The following C1orf87 variants were observed in gnomAD, a reference collection of about 807,000 sequenced individuals.
The protein encoded by C1orf87 is uncharacterized protein C1orf87.
A neutral mutation model predicts 60.5 loss-of-function variants in C1orf87; 58 were observed. The observed-to-expected ratio is 0.96, with a 90% CI of 0.78 to 1.19. The LOEUF (loss-of-function observed/expected upper bound fraction) is 1.19, where lower values mean the gene tolerates loss of function less well. Ranked by LOEUF, C1orf87 falls within the 50% of genes most tolerant of loss-of-function variation. C1orf87 has a pLI of 0.00. For missense variants in C1orf87, 673 were observed against 638.6 expected (o/e 1.05, Z -0.58); for synonymous variants, 236 against 227.4 (o/e 1.04, Z -0.34).
At chr1:60,020,283 C>T (rs77285526) in intron 8 of C1orf87, among the ~76,000 whole-genome samples, 7,537 of 151,752 alleles carry the variant, frequency 0.05, 276 homozygotes, top group Middle Eastern at 0.16. Context: ...GTACAGAGGC[C>T]GCACTAGGGC....
chr1:60,041,340 CAT>C (rs1243214743), intron 3 of C1orf87, among the ~76,000 whole-genome samples: 1 of 152,132 alleles, frequency 6.6e-6, no homozygotes, highest in Non-Finnish European at 1.5e-5. Flanking sequence ...ACGCTTGACA[CAT>C]GTTAGATAAA....
At chr1:60,026,778 T>A (rs1398918421) in intron 7 of C1orf87, among the ~76,000 whole-genome samples, 1 of 152,136 alleles carries the variant, frequency 6.6e-6, no homozygotes, top group African/African-American at 2.4e-5. Context: ...AATCCAAAAA[T>A]CCAAAATCTG....
intron 9 of C1orf87, among the ~76,000 whole-genome samples, chr1:60,005,160 T>G (rs1645035167): frequency 6.6e-6 from 1 of 152,076 alleles, no homozygotes; most frequent in African/African-American, 2.4e-5. Flanking sequence ...TGACAGACAT[T>G]TCCACATCAT....
At position 60,041,053 on chromosome 1, in the gene C1orf87, T is replaced by A; in HGVS notation, c.421A>T (p.Arg141Trp). ...AAGGACCAGTCTCTAAGCTTTCTCC[T>A]GGGAATGCCATGCACATAGGATAAG... ...QSLSYVHGIPRRKLRDWSLEQ... is the reference protein window; with the variant it reads ...QSLSYVHGIPWRKLRDWSLEQ... The change falls in exon 4 of 12, where the codon AGG (arginine) becomes TGG (tryptophan). Residue 141 changes from arginine to tryptophan, a missense_variant. By Grantham distance (101) the Arg-to-Trp change is moderately radical (BLOSUM62 -3). Coordinates refer to ENST00000371201, the MANE Select transcript of C1orf87 (RefSeq NM_152377.3). The A allele has an allele frequency of 1.2e-6, 2 of 1,613,560 alleles. No homozygotes were observed. The highest frequency in any genetic ancestry group is 1.7e-6 in the Non-Finnish European group (2 of 1,179,596).
At chr1:60,039,829 A>T (rs1371979517) in intron 5 of C1orf87, 88 bp downstream of exon 5, 1 of 1,398,768 alleles carries the variant, frequency 7.1e-7, no homozygotes. Flanking sequence ...TTTGCAAGAA[A>T]GTAGCTAACT....
At chr1:60,012,220 A>G (rs1557460605) in intron 8 of C1orf87, among the ~76,000 whole-genome samples, 1 of 151,934 alleles carries the variant, frequency 6.6e-6, no homozygotes, top group South Asian at 2.1e-4. Context: ...ACAAAAACCT[A>G]GATCCATTAA....
chr1:60,064,409 T>C (rs1645521394), intron 2 of C1orf87, among the ~76,000 whole-genome samples: 1 of 139,134 alleles, frequency 7.2e-6, no homozygotes, highest in Admixed American at 7.8e-5. Flanking sequence ...CACATACTTT[T>C]TTTGGTTTCA....
intron 6 of C1orf87, 116 bp downstream of exon 6, chr1:60,037,876 G>C (rs1464314561): frequency 1.8e-6 from 1 of 569,228 alleles, no homozygotes; most frequent in African/African-American, 1.8e-5. Context: ...CTTCAGCACT[G>C]TGATTCATAC....
chr1:60,012,304 G>A (rs954201718), intron 8 of C1orf87, among the ~76,000 whole-genome samples: 6 of 151,976 alleles, frequency 3.9e-5, no homozygotes, highest in African/African-American at 1.4e-4. Flanking sequence ...TTAGATATCA[G>A]GTATGATATG....
chr1:60,014,245 T>C (rs1645110082), intron 8 of C1orf87, among the ~76,000 whole-genome samples: 1 of 152,096 alleles, frequency 6.6e-6, no homozygotes, highest in Non-Finnish European at 1.5e-5. Context: ...TTCTGGTTGG[T>C]CAAGACTTGG....
intron 2 of C1orf87, among the ~76,000 whole-genome samples, chr1:60,066,771 C>A (rs1374692906): frequency 6.6e-6 from 1 of 151,974 alleles, no homozygotes; most frequent in East Asian, 1.9e-4. Context: ...TGGTTTGCTG[C>A]ACCCATCAAC....
chr1:60,057,653 G>C (rs997199317), intron 2 of C1orf87, among the ~76,000 whole-genome samples: 3 of 152,146 alleles, frequency 2.0e-5, no homozygotes, highest in African/African-American at 7.2e-5. Context: ...TAAGGATGTA[G>C]GCAAATTAGT....
Position 60,055,409 on chromosome 1 carries a change from GT to G in C1orf87, c.136del (p.Thr46ProfsTer9). 6.2e-7 allele frequency: 1 copy of G among 1,614,034 alleles called. No individual in the cohort carries two copies. Among genetic ancestry groups the G allele is most frequent in the Non-Finnish European group, 8.5e-7 (1 of 1,179,998 alleles). Reference sequence around the variant, plus strand: ...CATTGGTTTCTGGTGCATTGTTTGGGTTTCTGTTTTCAAGCTGTCATTCTCC... The same window carrying G: ...CATTGGTTTCTGGTGCATTGTTTGGGTTCTGTTTTCAAGCTGTCATTCTCC... The part of the protein sequence containing the change: ...IKENDSLKTE[T>X]QTMHQKPMTD... On this transcript the variant is annotated frameshift_variant, in exon 3 of 12. Coordinates refer to ENST00000371201, the MANE Select transcript of C1orf87 (RefSeq NM_152377.3). LOFTEE classifies it high-confidence loss of function.
intron 8 of C1orf87, among the ~76,000 whole-genome samples, chr1:60,021,302 G>A (rs951650435): frequency 5.3e-5 from 8 of 152,184 alleles, no homozygotes; most frequent in Non-Finnish European, 1.0e-4. Flanking sequence ...GAGGAAAATA[G>A]TCATGCCCCT....
intron 11 of C1orf87, among the ~76,000 whole-genome samples, chr1:59,991,233 T>C (rs1442015323): frequency 2.0e-5 from 3 of 152,212 alleles, no homozygotes; most frequent in African/African-American, 7.2e-5. Flanking sequence ...TTCCTAAACA[T>C]GCAGGGATTA....
At chr1:60,048,357 C>T (rs1345881012) in intron 3 of C1orf87, among the ~76,000 whole-genome samples, 1 of 152,108 alleles carries the variant, frequency 6.6e-6, no homozygotes, top group East Asian at 1.9e-4. Context: ...ATAACTGCAT[C>T]TCTGGGTGAA....
chr1:59,999,122 C>G (rs1644983570), intron 10 of C1orf87, among the ~76,000 whole-genome samples: 1 of 152,066 alleles, frequency 6.6e-6, no homozygotes, highest in African/African-American at 2.4e-5. Flanking sequence ...TCCCAGAGCC[C>G]TAAAGAATTG....
Position 60,033,564 on chromosome 1 carries a change from G to T in C1orf87, c.941C>A (p.Thr314Lys), listed in dbSNP as rs181999886. The T allele has an allele frequency of 1.4e-5, 22 of 1,613,628 alleles. No homozygotes were observed. Among genetic ancestry groups the T allele is most frequent in the Non-Finnish European group, 1.9e-5 (22 of 1,179,812 alleles). ...GTCTATGTTGAGTCTGCCATTGGTT[G>T]TCCTTAGTGCCATCTTCAAAATCTC... ...LLEILKMALR[T>K]TNGRLNIDNL... Residue 314 changes from threonine (T) to lysine (K), a missense_variant, in exon 7 of 12, where the codon ACA (threonine) becomes AAA (lysine). Physicochemically the swap from Thr to Lys is moderately conservative, Grantham distance 78. Transcript: ENST00000371201.
At chr1:60,033,178 T>C (rs1470824758) in intron 7 of C1orf87, among the ~76,000 whole-genome samples, 1 of 151,998 alleles carries the variant, frequency 6.6e-6, no homozygotes, top group East Asian at 1.9e-4. Flanking sequence ...GAAATAAACA[T>C]TTGGCCTTGC....
Sources: allele counts gnomAD v4.1 joint callset (sites outside exome capture counted in the v4.1 genomes callset), GRCh38; gene constraint gnomAD v4.1.1; transcripts MANE v1.5; gene names NCBI Gene and HGNC (gene_info 2026-07-23, HGNC 2026-07-21).